ERG: variants seen among roughly 807,000 people sequenced by gnomAD.
ERG encodes transcriptional regulator ERG.
Under a neutral mutation model 55.3 loss-of-function variants are expected in ERG, and 9 were observed. That is an observed-to-expected ratio of 0.16 (90% CI 0.10 to 0.28). The LOEUF is 0.28. ERG is among the 10% of genes least tolerant of loss of function. ERG has a pLI of 1.00. For synonymous variants in ERG, 223 were observed against 237.3 expected, an observed-to-expected ratio of 0.94 and a Z score of 0.55; for missense variants, 434 against 631.6, an observed-to-expected ratio of 0.69 and a Z score of 3.35.
chr21:38,450,996 T>C (rs2058936369), intron 1 of ERG: 1 of 437,520 alleles, frequency 2.3e-6, no homozygotes, highest in Admixed American at 2.5e-5. Context: ...AATGGAATCA[T>C]TCCCCAAGGC....
At chr21:38,568,929 C>A (rs1251057146) in intron 2 of ERG, among the ~76,000 whole-genome samples, 2 of 152,196 alleles carry the variant, frequency 1.3e-5, no homozygotes, top group Non-Finnish European at 2.9e-5. Context: ...AGGAGGCTTA[C>A]AGGCAGAAGC....
intron 2 of ERG, among the ~76,000 whole-genome samples, chr21:38,559,383 C>CTT (rs574207119): frequency 0.026 from 2,398 of 91,956 alleles, 145 homozygotes; most frequent in African/African-American, 0.089. Context: ...TCCCATTTCC[C>CTT]TTTTTTTTTT....
chr21:38,432,259 T>G (rs894806142), intron 2 of ERG, among the ~76,000 whole-genome samples: 2 of 152,136 alleles, frequency 1.3e-5, no homozygotes, highest in African/African-American at 2.4e-5. Flanking sequence ...CACACCCAGC[T>G]GTTTTTTAAT....
chr21:38,485,460 T>TC (rs2059275015), intron 1 of ERG, among the ~76,000 whole-genome samples: 1 of 122,474 alleles, frequency 8.2e-6, no homozygotes, highest in South Asian at 2.7e-4. Context: ...AAATATACAG[T>TC]CTTTTTTTTT....
In ERG at chr21:38,554,447, A is replaced by C. The variant is rs556362860; in HGVS notation, c.-41+21215T>G. ...AGTCCATCAGTGGTGGACTGGATAA[A>C]GAAAAAAATGTGGTACACAAACATT... On this transcript the variant is annotated intron_variant, in intron 2 of 8. Transcript: ENST00000398897. 4.6e-5 allele frequency among the ~76,000 whole-genome samples: 7 copies of C among 152,342 alleles called. 1 individual carries two copies. The South Asian group carries it at 1.5e-3, about 32-fold the overall frequency.
chr21:38,376,997 C>T (rs1987261577), downstream of ERG, among the ~76,000 whole-genome samples: 2 of 152,232 alleles, frequency 1.3e-5, no homozygotes, highest in South Asian at 2.1e-4. Flanking sequence ...GAGGGCACTC[C>T]ATTTGACATG....
rs115317351 is a variant in ERG at position 38,546,930 on chromosome 21, G to A, written c.-41+28732C>T. On this transcript the variant is annotated intron_variant, in intron 2 of 8. Transcript: ENST00000398897. The stretch of plus-strand genomic sequence containing the variant: ...ATCCAACTATCCCTGGTGGCTGGCA[G>A]GATGAATCAGTTATGACTTATTTCA... 3.8e-3 allele frequency among the ~76,000 whole-genome samples: 577 copies of A among 152,326 alleles called. 5 individuals are homozygous for A. Among genetic ancestry groups the A allele is most frequent in the African/African-American group, 0.012 (509 of 41,568 alleles).
chr21:38,374,319 A>G, the ERG span, among the ~76,000 whole-genome samples: 1 of 152,252 alleles, frequency 6.6e-6, no homozygotes, highest in Non-Finnish European at 1.5e-5. Context: ...AGAGTACTGT[A>G]AACAGTTGTC....
intron 3 of ERG, among the ~76,000 whole-genome samples, chr21:38,407,634 G>GTATACATA (rs1555894518): frequency 9.1e-4 from 3 of 3,298 alleles, no homozygotes; most frequent in Non-Finnish European, 4.4e-3. Flanking sequence ...CTTACAAAAG[G>GTATACATA]TATATATATA....
intron 1 of ERG, among the ~76,000 whole-genome samples, chr21:38,481,769 C>T (rs1227275921): frequency 6.6e-6 from 1 of 152,166 alleles, no homozygotes; most frequent in Non-Finnish European, 1.5e-5. Flanking sequence ...ATATACTAGA[C>T]ACCAGCAGAC....
intron 1 of ERG, among the ~76,000 whole-genome samples, chr21:38,661,003 G>A (rs1340310562): frequency 6.6e-6 from 1 of 151,960 alleles, no homozygotes; most frequent in African/African-American, 2.4e-5. Flanking sequence ...AGGAAGAGGA[G>A]GAGGAAGAGG....
chr21:38,510,445 A>T (rs537348013), intron 2 of ERG, among the ~76,000 whole-genome samples: 1 of 152,336 alleles, frequency 6.6e-6, no homozygotes, highest in South Asian at 2.1e-4. Context: ...CAGCCAGAAC[A>T]CTGAGAAGTT....
chr21:38,592,843 T>C (rs1394337535), intron 1 of ERG, among the ~76,000 whole-genome samples: 1 of 152,222 alleles, frequency 6.6e-6, no homozygotes, highest in African/African-American at 2.4e-5. Flanking sequence ...GTCAGTCTTA[T>C]TTCATTTGGT....
chr21:38,432,052 C>T (rs928860935), intron 2 of ERG, among the ~76,000 whole-genome samples: 1 of 152,186 alleles, frequency 6.6e-6, no homozygotes, highest in African/African-American at 2.4e-5. Flanking sequence ...CAGTGTTATA[C>T]ATGCCTCTAG....
intron 2 of ERG, among the ~76,000 whole-genome samples, chr21:38,557,833 G>A (rs2059867666): frequency 6.6e-6 from 1 of 152,136 alleles, no homozygotes; most frequent in Non-Finnish European, 1.5e-5. Context: ...AGCATCACCT[G>A]CATATTAACC....
At chr21:38,532,205 T>G (rs543134037) in intron 2 of ERG, among the ~76,000 whole-genome samples, 1 of 152,228 alleles carries the variant, frequency 6.6e-6, no homozygotes, top group South Asian at 2.1e-4. Context: ...CCAATAATAA[T>G]TGGGCACATG....
At chr21:38,654,220 G>A (rs901189569) in intron 1 of ERG, among the ~76,000 whole-genome samples, 1 of 152,286 alleles carries the variant, frequency 6.6e-6, no homozygotes, top group Admixed American at 6.5e-5. Context: ...GCTCACGCCT[G>A]TAATCCCAGC....
chr21:38,609,491 AT>A (rs2060213786), intron 1 of ERG, among the ~76,000 whole-genome samples: 1 of 152,242 alleles, frequency 6.6e-6, no homozygotes, highest in Admixed American at 6.5e-5. Context: ...AATAAAAACA[AT>A]TATGAGGCAA....
chr21:38,622,574 A>T (rs2058937057), intron 1 of ERG, among the ~76,000 whole-genome samples: 1 of 149,516 alleles, frequency 6.7e-6, no homozygotes, highest in South Asian at 2.1e-4. Context: ...ACACATGCTC[A>T]TATGTACCAC....
Sources: allele counts gnomAD v4.1 joint callset (sites outside exome capture counted in the v4.1 genomes callset), GRCh38; gene constraint gnomAD v4.1.1; transcripts MANE v1.5; gene names NCBI Gene and HGNC (gene_info 2026-07-23, HGNC 2026-07-21).